PRKN: variants seen among roughly 807,000 people sequenced by gnomAD.
The protein encoded by PRKN is parkin RBR E3 ubiquitin protein ligase.
Under a neutral mutation model 59.5 loss-of-function variants are expected in PRKN, and 56 were observed. The observed-to-expected ratio is 0.94, with a 90% CI of 0.76 to 1.18. The LOEUF (loss-of-function observed/expected upper bound fraction) is 1.18. PRKN is among the 50% of genes most tolerant of loss of function. The pLI is 0.00. For missense variants in PRKN, 657 were observed against 596.4 expected (o/e 1.10, Z -1.06); for synonymous variants, 250 against 222.1 (o/e 1.13, Z -1.12).
At chr6:161,660,862 T>C (rs985856955) in intron 7 of PRKN, among the ~76,000 whole-genome samples, 8 of 152,220 alleles carry the variant, frequency 5.3e-5, no homozygotes, top group Non-Finnish European at 1.2e-4. Context: ...TCTCAAACTA[T>C]TGATTTTTAC....
chr6:162,079,253 A>G (rs545285579), intron 4 of PRKN, among the ~76,000 whole-genome samples: 2 of 152,262 alleles, frequency 1.3e-5, no homozygotes, highest in African/African-American at 4.8e-5. Context: ...TCTATTTGGA[A>G]AAGCAAGGAC....
At chr6:162,284,215 CTTTTTTTTT>C (rs35609309) in intron 2 of PRKN, among the ~76,000 whole-genome samples, 2 of 75,678 alleles carry the variant, frequency 2.6e-5, no homozygotes, top group Admixed American at 3.9e-4. Flanking sequence ...TTATTTCTTT[CTTTTTTTTT>C]TTTTTTTTTT....
rs1779949800 is a variant in PRKN, at chr6:161,550,208, G to A, written c.934-1205C>T. The stretch of plus-strand genomic sequence containing the variant: ...CAAGGGGGGCAGTGGGGCGGAGGCA[G>A]AGAGAACAAGGAGGGAAAAAAACAG... On this transcript the variant is annotated intron_variant, in intron 8 of 11. Transcript: ENST00000366898. This position sits in a 1 kb window ranked among gnomAD's most constrained non-coding sequence, Gnocchi z 4.0. Among the ~76,000 whole-genome samples the A allele has an allele frequency of 6.6e-6, 1 of 152,178 alleles. No individual in the cohort carries two copies. Among genetic ancestry groups the A allele is most frequent in the African/African-American group, 2.4e-5 (1 of 41,436 alleles).
At position 161,527,291 on chromosome 6, in the gene PRKN, T is replaced by A. The variant is rs185548324; in HGVS notation, c.1083+21563A>T. ...CATTCTGGGGTGGCATGTTCTGGTC[T>A]CCTACCATCATATTTTGGGGTGAAG... On this transcript the variant is annotated intron_variant, in intron 9 of 11. Transcript: ENST00000366898. The surrounding 1 kb of genome is among the most constrained non-coding windows in gnomAD (Gnocchi z 4.6). 2.0e-4 allele frequency among the ~76,000 whole-genome samples: 30 copies of A among 152,328 alleles called. No homozygotes were observed. The East Asian group carries it at 3.7e-3, about 19-fold the overall frequency.
chr6:162,559,125 T>C (rs895644756), intron 1 of PRKN, among the ~76,000 whole-genome samples: 1 of 123,036 alleles, frequency 8.1e-6, no homozygotes, highest in Non-Finnish European at 1.6e-5. Context: ...CACTCCTGCC[T>C]GGGCGACAGA....
Position 162,452,329 on chromosome 6 carries a change from C to T in PRKN, c.8-8856G>A, listed in dbSNP as rs9347643. ...AGAAACAGTAAAAGCATCATAAGTG[C>T]TAAATACAGAAGATAATTAGGTAGG... On this transcript the variant is annotated intron_variant, in intron 1 of 11. Coordinates refer to ENST00000366898, the MANE Select transcript of PRKN (RefSeq NM_004562.3). Among the ~76,000 whole-genome samples the T allele has an allele frequency of 1.0e-3, 154 of 152,124 alleles. 1 individual carries two copies. In the East Asian group the frequency reaches 0.024, roughly 24 times the overall value.
At chr6:162,089,277 G>A (rs1245638401) in intron 4 of PRKN, among the ~76,000 whole-genome samples, 1 of 152,062 alleles carries the variant, frequency 6.6e-6, no homozygotes, top group African/African-American at 2.4e-5. Context: ...TATACAAATG[G>A]CCCAATAAAC....
At chr6:161,718,269 A>C (rs138319474) in intron 7 of PRKN, among the ~76,000 whole-genome samples, 1 of 152,104 alleles carries the variant, frequency 6.6e-6, no homozygotes, top group African/African-American at 2.4e-5. Flanking sequence ...GCAATCACCA[A>C]GAGGCACCTC....
At chr6:161,929,018 G>C (rs1779069766) in intron 6 of PRKN, among the ~76,000 whole-genome samples, 1 of 152,106 alleles carries the variant, frequency 6.6e-6, no homozygotes, top group African/African-American at 2.4e-5. Flanking sequence ...CACTTGTATA[G>C]ATATATTCAC....
chr6:161,643,187 T>C (rs554137801), intron 7 of PRKN, among the ~76,000 whole-genome samples: 2 of 152,352 alleles, frequency 1.3e-5, no homozygotes, highest in South Asian at 2.1e-4. Context: ...TCTTTTTTCA[T>C]TGATGGTTTC....
At chr6:161,520,724 A>G (rs1186555149) in intron 9 of PRKN, among the ~76,000 whole-genome samples, 4 of 152,228 alleles carry the variant, frequency 2.6e-5, no homozygotes, top group Non-Finnish European at 5.9e-5. Flanking sequence ...CTACAGATGA[A>G]TCTTCAAAAT....
At chr6:161,723,593 TGAAA>T (rs1203544512) in intron 7 of PRKN, among the ~76,000 whole-genome samples, 4 of 152,062 alleles carry the variant, frequency 2.6e-5, no homozygotes, top group Admixed American at 6.5e-5. Flanking sequence ...AACTCAGGGA[TGAAA>T]GAAAGAAAGA....
At position 161,361,524 on chromosome 6, in the gene PRKN, G is replaced by A. The variant is rs1262900890; in HGVS notation, c.1168-1319C>T. Among the ~76,000 whole-genome samples, 1 of 152,164 alleles carries A rather than the reference G, an allele frequency of 6.6e-6. No homozygotes were observed. Among genetic ancestry groups the A allele is most frequent in the Non-Finnish European group, 1.5e-5 (1 of 68,032 alleles). On this transcript the variant is annotated intron_variant, in intron 10 of 11. Coordinates refer to ENST00000366898, the MANE Select transcript of PRKN (RefSeq NM_004562.3). The surrounding 1 kb of genome is among the most constrained non-coding windows in gnomAD (Gnocchi z 5.2). ...TTCAGGGGTTACCAAACTTTCAGGG[G>A]TTACCACTAAACTTTCAGGGGTTAC... is the stretch of plus-strand genomic sequence containing the variant.
intron 7 of PRKN, among the ~76,000 whole-genome samples, chr6:161,620,798 C>G (rs1486705593): frequency 1.3e-5 from 2 of 152,190 alleles, no homozygotes; most frequent in Non-Finnish European, 2.9e-5. Flanking sequence ...AACCTTCAAG[C>G]TCTTCTTGGC....
intron 9 of PRKN, among the ~76,000 whole-genome samples, chr6:161,450,774 C>T (rs1327575167): frequency 6.6e-6 from 1 of 152,168 alleles, no homozygotes; most frequent in East Asian, 1.9e-4. Context: ...CCAGGATGGT[C>T]TCGACCTCCT....
At chr6:162,474,744 T>C (rs1791918772) in intron 1 of PRKN, among the ~76,000 whole-genome samples, 3 of 152,140 alleles carry the variant, frequency 2.0e-5, no homozygotes, top group East Asian at 1.9e-4. Context: ...TTGTGATCTG[T>C]AGATAAGAGA....
intron 5 of PRKN, among the ~76,000 whole-genome samples, chr6:161,989,675 G>T (rs1453097071): frequency 6.6e-6 from 1 of 152,146 alleles, no homozygotes; most frequent in Non-Finnish European, 1.5e-5. Flanking sequence ...TGCTACCACT[G>T]ACAGTGCCTG....
chr6:161,428,844 C>T lies in PRKN; in HGVS notation c.1084-41967G>A, dbSNP rs1192081659. Among the ~76,000 whole-genome samples, 1 of 152,212 alleles carries T rather than the reference C, an allele frequency of 6.6e-6. No homozygotes were observed. Among genetic ancestry groups the T allele is most frequent in the Non-Finnish European group, 1.5e-5 (1 of 68,046 alleles). On this transcript the variant is annotated intron_variant, in intron 9 of 11. Coordinates refer to ENST00000366898, the MANE Select transcript of PRKN (RefSeq NM_004562.3). The surrounding 1 kb of genome is among the most constrained non-coding windows in gnomAD (Gnocchi z 4.0). ...CAGGCAGATGACTGTGTAAGTCCTA[C>T]ATGGCCACCCTGCCAGTGTTTCAAG...
chr6:162,703,776 G>A (rs935334908), intron 1 of PRKN, among the ~76,000 whole-genome samples: 1 of 152,120 alleles, frequency 6.6e-6, no homozygotes, highest in Admixed American at 6.6e-5. Flanking sequence ...CACACACACT[G>A]GTTGGCAAAT....
Sources: allele counts gnomAD v4.1 joint callset (sites outside exome capture counted in the v4.1 genomes callset), GRCh38; gene constraint gnomAD v4.1.1; non-coding constraint Gnocchi (gnomAD v3.1); transcripts MANE v1.5; gene names NCBI Gene and HGNC (gene_info 2026-07-23, HGNC 2026-07-21).